Variants in EYA2 observed in about 807,000 individuals in gnomAD.
EYA2 encodes the protein EYA transcriptional coactivator and phosphatase 2.
Under a neutral mutation model 69.2 loss-of-function variants are expected in EYA2, and 31 were observed. That is an observed-to-expected ratio of 0.45 (90% confidence interval 0.34 to 0.60). The LOEUF is 0.60. Ranked by LOEUF, EYA2 falls within the 20% of genes least tolerant of loss-of-function variation. The pLI is 0.02. For synonymous variants in EYA2, 257 were observed against 279.4 expected (o/e 0.92, Z 0.80); for missense variants, 622 against 701.2 (o/e 0.89, Z 1.28).
chr20:46,944,141 CAG>C (rs1285455704), intron 1 of EYA2, among the ~76,000 whole-genome samples: 1 of 152,148 alleles, frequency 6.6e-6, no homozygotes, highest in Non-Finnish European at 1.5e-5. Context: ...ATGGCCAGGA[CAG>C]AGGGAGCCAG....
chr20:47,115,751 A>T (rs922530214), intron 9 of EYA2, among the ~76,000 whole-genome samples: 1 of 152,104 alleles, frequency 6.6e-6, no homozygotes, highest in African/African-American at 2.4e-5. Context: ...GGATTGTGCC[A>T]CCTTCTCCAT....
chr20:47,122,296 T>G (rs933344900), intron 9 of EYA2, among the ~76,000 whole-genome samples: 1 of 145,952 alleles, frequency 6.9e-6, no homozygotes, highest in South Asian at 2.2e-4. Context: ...TTGGTTTTTT[T>G]TTTTTTTTTT....
chr20:47,053,667 C>CAAA lies in EYA2; in HGVS notation c.416-18501_416-18499dup, dbSNP rs1215223667. 7.3e-3 allele frequency among the ~76,000 whole-genome samples: 486 copies of CAAA among 66,764 alleles called. 10 individuals carry two copies. Among genetic ancestry groups the CAAA allele is most frequent in the African/African-American group, 0.026 (450 of 17,510 alleles). 43.8% of individuals were successfully genotyped at this position (66,764 alleles called of 152,430 possible). ...GGGGGACAGGAGTGAGACCTTGTCT[C>CAAA]AAAAAAAAAAAAAAAAAAAGAGTAA... On this transcript the variant is annotated intron_variant, in intron 5 of 15. Coordinates refer to ENST00000327619, the MANE Select transcript of EYA2 (RefSeq NM_005244.5).
chr20:47,016,520 A>G (rs969125332), intron 5 of EYA2, among the ~76,000 whole-genome samples: 1 of 152,202 alleles, frequency 6.6e-6, no homozygotes, highest in Non-Finnish European at 1.5e-5. Flanking sequence ...TGATTTGGGA[A>G]GGGGTTGAAT....
intron 5 of EYA2, among the ~76,000 whole-genome samples, chr20:47,031,387 G>A (rs893938423): frequency 6.6e-6 from 1 of 152,220 alleles, no homozygotes; most frequent in African/African-American, 2.4e-5. Flanking sequence ...AGAAAGACCA[G>A]TTGACTGCTG....
At chr20:47,107,743 A>G (rs931166200) in intron 9 of EYA2, among the ~76,000 whole-genome samples, 1 of 147,568 alleles carries the variant, frequency 6.8e-6, no homozygotes, top group African/African-American at 2.5e-5. Context: ...GAAAAAGAAG[A>G]AGAGAGAAGG....
intron 2 of EYA2, among the ~76,000 whole-genome samples, chr20:46,996,900 A>G (rs1982059604): frequency 6.6e-6 from 1 of 152,086 alleles, no homozygotes; most frequent in African/African-American, 2.4e-5. Flanking sequence ...GGTCTCAAAA[A>G]AAAAAAAGAA....
intron 10 of EYA2, among the ~76,000 whole-genome samples, chr20:47,165,829 C>T (rs186160278): frequency 1.4e-4 from 22 of 152,266 alleles, no homozygotes; most frequent in African/African-American, 5.3e-4. Flanking sequence ...CACAGGGCAA[C>T]CCAGGCTGCC....
At chr20:46,999,420 T>C (rs1982220529) in intron 2 of EYA2, among the ~76,000 whole-genome samples, 1 of 152,130 alleles carries the variant, frequency 6.6e-6, no homozygotes, top group African/African-American at 2.4e-5. Flanking sequence ...TGCCAGGGGC[T>C]TTCCTTGACA....
intron 4 of EYA2, among the ~76,000 whole-genome samples, chr20:47,009,942 T>C (rs986364071): frequency 3.2e-4 from 49 of 152,230 alleles, no homozygotes; most frequent in Non-Finnish European, 2.9e-5. Flanking sequence ...ACATTGTGTC[T>C]GTAAAATGTA....
intron 1 of EYA2, among the ~76,000 whole-genome samples, chr20:46,899,307 C>A (rs1031874886): frequency 3.3e-5 from 5 of 152,188 alleles, no homozygotes; most frequent in Non-Finnish European, 5.9e-5. Flanking sequence ...ATTTTCTGAA[C>A]CTGCCCTGAC....
intron 1 of EYA2, among the ~76,000 whole-genome samples, chr20:46,935,013 C>T (rs1254640582): frequency 1.3e-5 from 2 of 152,228 alleles, no homozygotes; most frequent in African/African-American, 2.4e-5. Flanking sequence ...TCTAATCATA[C>T]CCTAGGGTAG....
intron 2 of EYA2, among the ~76,000 whole-genome samples, chr20:46,994,657 G>A (rs1363118248): frequency 2.0e-5 from 3 of 152,120 alleles, no homozygotes; most frequent in Non-Finnish European, 4.4e-5. Flanking sequence ...GTGCTGGCCT[G>A]GGGAACCACA....
At chr20:47,099,384 A>C (rs897345734) in intron 9 of EYA2, among the ~76,000 whole-genome samples, 3 of 152,196 alleles carry the variant, frequency 2.0e-5, no homozygotes, top group Non-Finnish European at 2.9e-5. Context: ...CTTAAAAATT[A>C]GCCTGGTGTG....
At chr20:47,003,172 G>A (rs1401338512) in intron 3 of EYA2, among the ~76,000 whole-genome samples, 2 of 152,192 alleles carry the variant, frequency 1.3e-5, no homozygotes, top group Non-Finnish European at 2.9e-5. Context: ...TGTGGCCTCT[G>A]GAGCCAGGGT....
chr20:47,140,377 G>A (rs2033568715), intron 9 of EYA2, among the ~76,000 whole-genome samples: 1 of 151,994 alleles, frequency 6.6e-6, no homozygotes, highest in Non-Finnish European at 1.5e-5. Context: ...CTGTGTTCCT[G>A]GGCCTGATTC....
chr20:47,126,602 CTTAG>C (rs1485484695), intron 9 of EYA2, among the ~76,000 whole-genome samples: 1 of 152,208 alleles, frequency 6.6e-6, no homozygotes. Flanking sequence ...TAGTTCATCT[CTTAG>C]TTAGAAAGCT....
intron 1 of EYA2, among the ~76,000 whole-genome samples, chr20:46,938,906 C>A (rs752933310): frequency 6.6e-6 from 1 of 152,140 alleles, no homozygotes; most frequent in Non-Finnish European, 1.5e-5. Flanking sequence ...ACAAAACAAC[C>A]GTACTATGAC....
At position 47,004,933 on chromosome 20, in the gene EYA2, T is replaced by C; in HGVS notation, c.156-9T>C. 4 of 1,614,000 alleles carry C rather than the reference T, an allele frequency of 2.5e-6. No individual in the cohort carries two copies. Among genetic ancestry groups the C allele is most frequent in the Non-Finnish European group, 2.5e-6 (3 of 1,179,950 alleles). On this transcript the variant is annotated splice_polypyrimidine_tract_variant and intron_variant, in intron 3 of 15. Transcript: ENST00000327619. ...GCCTGGAGATTTAATCTTCCCTCTTTCCACACAGATCTTGCCCACGTGTCC... is the reference window on the plus strand; with the variant it reads ...GCCTGGAGATTTAATCTTCCCTCTTCCCACACAGATCTTGCCCACGTGTCC...
Sources: allele counts gnomAD v4.1 joint callset (sites outside exome capture counted in the v4.1 genomes callset), GRCh38; gene constraint gnomAD v4.1.1; transcripts MANE v1.5; gene names NCBI Gene and HGNC (gene_info 2026-07-23, HGNC 2026-07-21).